The following OPCML variants were observed in gnomAD, a reference collection of about 807,000 sequenced individuals.
OPCML encodes the protein opioid-binding protein/cell adhesion molecule.
Under a neutral mutation model 37.8 loss-of-function variants are expected in OPCML, and 13 were observed. The observed-to-expected ratio is 0.34, with a 90% CI of 0.22 to 0.55. The LOEUF (loss-of-function observed/expected upper bound fraction) is 0.55, where lower values mean the gene tolerates loss of function less well. Among genes scored for constraint, OPCML ranks in the 20% least tolerant of loss-of-function variants. The pLI, the probability that OPCML is intolerant of heterozygous loss-of-function variation, is 0.91. For synonymous variants in OPCML, 176 were observed against 168.8 expected, an observed-to-expected ratio of 1.04 and a Z score of -0.33; for missense variants, 341 against 435.6, an observed-to-expected ratio of 0.78 and a Z score of 1.93.
chr11:132,502,834 G>C (rs981106159), intron 4 of OPCML, among the ~76,000 whole-genome samples: 1 of 152,132 alleles, frequency 6.6e-6, no homozygotes, highest in Non-Finnish European at 1.5e-5. Flanking sequence ...GAGAGAGTGG[G>C]GCGCCTTGGC....
rs892677671 is a variant in OPCML at position 132,567,024 on chromosome 11, G to A, written c.380-37838C>T. Among the ~76,000 whole-genome samples the A allele has an allele frequency of 2.6e-5, 4 of 151,642 alleles. No individual in the cohort carries two copies. In the East Asian group the frequency reaches 5.8e-4, roughly 22 times the overall value. ...TACTGGAATAAGTTAATGCAAAAAG[G>A]AGACTTTTAAAATAAGGATATAGGA... On this transcript the variant is annotated intron_variant, in intron 3 of 7. Transcript: ENST00000524381.
intron 2 of OPCML, among the ~76,000 whole-genome samples, chr11:132,870,913 T>G (rs1344101748): frequency 2.0e-5 from 3 of 152,330 alleles, no homozygotes; most frequent in Admixed American, 6.5e-5. Context: ...AGGTGTGGCT[T>G]ATGAACATGT....
At chr11:132,524,573 C>G (rs113571419) in intron 4 of OPCML, among the ~76,000 whole-genome samples, 64 of 152,228 alleles carry the variant, frequency 4.2e-4, no homozygotes, top group African/African-American at 1.4e-3. Flanking sequence ...TGCATAGAAA[C>G]AGCAAAACCC....
chr11:133,038,264 C>T (rs1428328491), intron 1 of OPCML, among the ~76,000 whole-genome samples: 1 of 152,214 alleles, frequency 6.6e-6, no homozygotes, highest in Non-Finnish European at 1.5e-5. Flanking sequence ...CAGCTCCTGT[C>T]TTAGTGTCTC....
chr11:132,578,077 G>T (rs2137610760), intron 3 of OPCML, among the ~76,000 whole-genome samples: 1 of 152,206 alleles, frequency 6.6e-6, no homozygotes, highest in African/African-American at 2.4e-5. Flanking sequence ...TCTTATAAAA[G>T]CAGACTTTAC....
At chr11:132,711,254 CAATT>C (rs1384300382) in intron 2 of OPCML, among the ~76,000 whole-genome samples, 2 of 152,142 alleles carry the variant, frequency 1.3e-5, no homozygotes, top group African/African-American at 2.4e-5. Flanking sequence ...CGAGGACACT[CAATT>C]AATATCAGTG....
chr11:132,928,009 T>A (rs1945057966), intron 2 of OPCML, among the ~76,000 whole-genome samples: 1 of 151,850 alleles, frequency 6.6e-6, no homozygotes, highest in South Asian at 2.1e-4. Context: ...AATGCAAGCC[T>A]ACCAAAAACT....
At chr11:132,583,268 C>A (rs2096465911) in intron 3 of OPCML, among the ~76,000 whole-genome samples, 2 of 151,820 alleles carry the variant, frequency 1.3e-5, no homozygotes, top group African/African-American at 4.8e-5. Context: ...TTTGTTTGAT[C>A]CAAGATTATT....
At chr11:132,895,603 G>C (rs1355517089) in intron 2 of OPCML, among the ~76,000 whole-genome samples, 1 of 152,240 alleles carries the variant, frequency 6.6e-6, no homozygotes, top group African/African-American at 2.4e-5. Context: ...GGATGTGTGG[G>C]AGGGCTCTGA....
At chr11:132,918,382 G>A (rs2725446) in intron 2 of OPCML, among the ~76,000 whole-genome samples, 7,619 of 152,144 alleles carry the variant, frequency 0.05, 297 homozygotes, top group Middle Eastern at 0.16. Flanking sequence ...CCATTTGTAG[G>A]TATTGACTCT....
intron 2 of OPCML, among the ~76,000 whole-genome samples, chr11:132,739,289 G>A (rs1177264035): frequency 6.6e-6 from 1 of 152,116 alleles, no homozygotes; most frequent in African/African-American, 2.4e-5. Flanking sequence ...CCTTATCACT[G>A]GGTTCCTTCC....
intron 2 of OPCML, among the ~76,000 whole-genome samples, chr11:132,755,474 C>T (rs1324458765): frequency 3.3e-5 from 5 of 152,188 alleles, no homozygotes; most frequent in Admixed American, 3.3e-4. Context: ...TATCAAGAAC[C>T]ATATATTGCA....
chr11:132,470,033 A>G (rs2096132983), intron 4 of OPCML, among the ~76,000 whole-genome samples: 1 of 152,018 alleles, frequency 6.6e-6, no homozygotes, highest in African/African-American at 2.4e-5. Flanking sequence ...CAGTCCTGCA[A>G]GAGATGTTTG....
At position 132,841,644 on chromosome 11, in the gene OPCML, G is replaced by A. The variant is rs370638324; in HGVS notation, c.146+101282C>T. Among the ~76,000 whole-genome samples, 5 of 151,990 alleles carry A rather than the reference G, an allele frequency of 3.3e-5. No homozygotes were observed. The East Asian group carries it at 7.8e-4, about 24-fold the overall frequency. On this transcript the variant is annotated intron_variant, in intron 2 of 7. Transcript: ENST00000524381. Reference sequence around the variant, plus strand: ...CACACCTGTAATCCCAGCATGTTGGGAGGTCAAGGAGTTCGAGACCAGCCT... The same window carrying A: ...CACACCTGTAATCCCAGCATGTTGGAAGGTCAAGGAGTTCGAGACCAGCCT...
At chr11:133,316,447 G>T (rs1943206924) in intron 1 of OPCML, among the ~76,000 whole-genome samples, 1 of 152,112 alleles carries the variant, frequency 6.6e-6, no homozygotes, top group East Asian at 1.9e-4. Flanking sequence ...ATGGACACAG[G>T]GAGGGGAACA....
intron 1 of OPCML, among the ~76,000 whole-genome samples, chr11:133,141,753 A>T (rs1592044077): frequency 6.6e-6 from 1 of 152,018 alleles, no homozygotes; most frequent in Non-Finnish European, 1.5e-5. Context: ...TTCCCTTCCC[A>T]CTCAAATGTT....
intron 1 of OPCML, among the ~76,000 whole-genome samples, chr11:133,481,108 C>T (rs1016921528): frequency 2.6e-5 from 4 of 152,238 alleles, no homozygotes; most frequent in South Asian, 2.1e-4. Context: ...ATAATTTTAT[C>T]GAGATTAACC....
chr11:132,800,789 A>G (rs1323865891), intron 2 of OPCML, among the ~76,000 whole-genome samples: 1 of 152,154 alleles, frequency 6.6e-6, no homozygotes, highest in Admixed American at 6.5e-5. Context: ...TTTATATATC[A>G]CTGTATTTCA....
intron 3 of OPCML, among the ~76,000 whole-genome samples, chr11:132,581,632 C>T (rs2096462155): frequency 6.6e-6 from 1 of 152,160 alleles, no homozygotes; most frequent in South Asian, 2.1e-4. Flanking sequence ...TCCCACCTCC[C>T]TACATCTTAA....
Sources: allele counts gnomAD v4.1 joint callset (sites outside exome capture counted in the v4.1 genomes callset), GRCh38; gene constraint gnomAD v4.1.1; transcripts MANE v1.5; gene names NCBI Gene and HGNC (gene_info 2026-07-23, HGNC 2026-07-21).